GCH1: variants seen among roughly 807,000 people sequenced by gnomAD.
GCH1 encodes GTP cyclohydrolase 1.
In GCH1, 5 loss-of-function variants were observed where a neutral mutation model predicts 25.9. The observed-to-expected ratio is 0.19, with a 90% CI of 0.10 to 0.41. The LOEUF is 0.41. Ranked by LOEUF, GCH1 falls within the 10% of genes least tolerant of loss-of-function variation. The pLI, the probability that GCH1 is intolerant of heterozygous loss-of-function variation, is 1.00. For missense variants in GCH1, 261 were observed against 336.5 expected (o/e 0.78, Z 1.75); for synonymous variants, 159 against 129.6 (o/e 1.23, Z -1.54).
chr14:54,872,382 A>G (rs1355676890), intron 1 of GCH1, among the ~76,000 whole-genome samples: 1 of 152,204 alleles, frequency 6.6e-6, no homozygotes, highest in African/African-American at 2.4e-5. Context: ...GGTACCAGCC[A>G]CTGAAAAAAC....
chr14:54,875,676 C>T (rs1161637556), intron 1 of GCH1, among the ~76,000 whole-genome samples: 3 of 152,158 alleles, frequency 2.0e-5, no homozygotes, highest in African/African-American at 7.2e-5. Context: ...TATGAACAGA[C>T]ACTTCTCAAG....
chr14:54,883,156 G>A (rs1277363265), intron 1 of GCH1, among the ~76,000 whole-genome samples: 2 of 151,478 alleles, frequency 1.3e-5, no homozygotes, highest in South Asian at 4.2e-4. Flanking sequence ...GGTGGATCAC[G>A]AGGTCAGGAA....
chr14:54,901,829 C>T lies in GCH1; in HGVS notation c.343+492G>A, dbSNP rs182516336. On this transcript the variant is annotated intron_variant, in intron 1 of 5. Coordinates refer to ENST00000491895, the MANE Select transcript of GCH1 (RefSeq NM_000161.3). ...GGCAAATCAGTGGGAATGCAGGTCC[C>T]CGAGGTTTCGGGGAAGGATCGCGCC... Among the ~76,000 whole-genome samples the T allele has an allele frequency of 7.2e-3, 1,089 of 152,200 alleles. 14 individuals carry two copies. Among genetic ancestry groups the T allele is most frequent in the African/African-American group, 0.025 (1,018 of 41,526 alleles).
chr14:54,866,439 A>T (rs1394590674), intron 1 of GCH1, among the ~76,000 whole-genome samples: 1 of 152,100 alleles, frequency 6.6e-6, no homozygotes, highest in Non-Finnish European at 1.5e-5. Flanking sequence ...GTAGGATTTC[A>T]TTTTCGGAAA....
At chr14:54,894,963 A>G (rs909961256) in intron 1 of GCH1, among the ~76,000 whole-genome samples, 1 of 152,210 alleles carries the variant, frequency 6.6e-6, no homozygotes, top group Non-Finnish European at 1.5e-5. Flanking sequence ...CCTTTCACCC[A>G]TGATATAGGA....
chr14:54,867,680 G>A (rs2040008791), intron 1 of GCH1, among the ~76,000 whole-genome samples: 1 of 150,524 alleles, frequency 6.6e-6, no homozygotes, highest in African/African-American at 2.5e-5. Context: ...CAGTCTTCTC[G>A]GCTATAAAAT....
intron 1 of GCH1, among the ~76,000 whole-genome samples, chr14:54,886,920 T>A (rs2040361181): frequency 6.6e-6 from 1 of 152,234 alleles, no homozygotes; most frequent in Admixed American, 6.5e-5. Context: ...ACAGCAAATC[T>A]GATTTTTTAA....
At chr14:54,886,760 C>T (rs1478410836) in intron 1 of GCH1, among the ~76,000 whole-genome samples, 3 of 152,150 alleles carry the variant, frequency 2.0e-5, no homozygotes, top group Non-Finnish European at 4.4e-5. Flanking sequence ...CTTCTGACTC[C>T]AGACCAGAGC....
At chr14:54,859,539 C>T (rs535838218) in intron 3 of GCH1, 142 bp downstream of exon 3, 4 of 699,922 alleles carry the variant, frequency 5.7e-6, no homozygotes, top group East Asian at 5.3e-5. Context: ...GTGTTTCAGA[C>T]CCTCCAAGTC....
intron 2 of GCH1, among the ~76,000 whole-genome samples, chr14:54,862,662 G>A (rs1051979651): frequency 8.9e-5 from 12 of 135,132 alleles, no homozygotes; most frequent in African/African-American, 3.4e-4. Context: ...GCCTAGGTTG[G>A]TCTCAAACTC....
At chr14:54,844,959 G>A (rs538655053) in intron 5 of GCH1, among the ~76,000 whole-genome samples, 1 of 152,262 alleles carries the variant, frequency 6.6e-6, no homozygotes, top group African/African-American at 2.4e-5. Flanking sequence ...ATCACTTGAG[G>A]TCAGGAGTTT....
At chr14:54,873,249 G>C (rs1470442172) in intron 1 of GCH1, among the ~76,000 whole-genome samples, 1 of 152,124 alleles carries the variant, frequency 6.6e-6, no homozygotes, top group Non-Finnish European at 1.5e-5. Context: ...TGACTACTGG[G>C]TACATAACGA....
chr14:54,865,376 A>G lies in GCH1; in HGVS notation c.404T>C (p.Ile135Thr). Residue 135 changes from isoleucine (I) to threonine (T), a missense_variant, in exon 2 of 6, where the codon ATA becomes ACA. Around this residue, in one of 3 missense-constraint regions of GCH1, gnomAD observed 130 missense variants for 184.1 expected, o/e 0.71. Coordinates refer to ENST00000491895, the MANE Select transcript of GCH1 (RefSeq NM_000161.3). Reference sequence around the variant, plus strand: ...ATGCTCACACATGGAAAACATGTCTATGTCCTTCACAATCACCATCTCATC... The same window carrying G: ...ATGCTCACACATGGAAAACATGTCTGTGTCCTTCACAATCACCATCTCATC... The part of the protein sequence containing the change: ...DHDEMVIVKD[I>T]DMFSMCEHHL... 1 of 1,595,154 alleles carries G rather than the reference A, an allele frequency of 6.3e-7. No homozygotes were observed. Among genetic ancestry groups the G allele is most frequent in the Non-Finnish European group, 8.6e-7 (1 of 1,163,050 alleles).
chr14:54,897,442 C>T (rs944457508), intron 1 of GCH1, among the ~76,000 whole-genome samples: 4 of 152,058 alleles, frequency 2.6e-5, no homozygotes, highest in African/African-American at 9.7e-5. Context: ...GCATGCACCA[C>T]CACACCTGGC....
chr14:54,879,806 G>A (rs2040217919), intron 1 of GCH1, among the ~76,000 whole-genome samples: 1 of 151,980 alleles, frequency 6.6e-6, no homozygotes, highest in South Asian at 2.1e-4. Context: ...CTAACATGGT[G>A]AAACCCCATC....
chr14:54,863,556 T>C (rs8011751), intron 2 of GCH1, among the ~76,000 whole-genome samples: 3,333 of 66,356 alleles, frequency 0.05, 137 homozygotes, highest in African/African-American at 0.16. Flanking sequence ...AAGAGCAGAA[T>C]AGATAAATTG....
chr14:54,869,859 A>G (rs1475439946), intron 1 of GCH1, among the ~76,000 whole-genome samples: 2 of 152,256 alleles, frequency 1.3e-5, no homozygotes, highest in Non-Finnish European at 2.9e-5. Context: ...CTCAGCAAGA[A>G]GATGGAATGA....
rs776104047 is a variant in GCH1 at position 54,865,306 on chromosome 14, A to T, written c.453+21T>A. The T allele has an allele frequency of 4.5e-5, 52 of 1,148,172 alleles. 1 individual carries two copies. Among genetic ancestry groups the T allele is most frequent in the Non-Finnish European group, 5.8e-5 (44 of 757,146 alleles). The allele number at this position is 1,148,172 out of a possible 1,614,324, so 71.1% of individuals were successfully genotyped here. A position where few individuals can be genotyped will look rare whatever the true frequency, so the allele number is the denominator to read the frequency against. ...TTTCACTATGTTTTAAATTGCTGGG[A>T]AACAACAAAGAGAACCTTACCTTTC... On this transcript the variant is annotated intron_variant, in intron 2 of 5. Coordinates refer to ENST00000491895, the MANE Select transcript of GCH1 (RefSeq NM_000161.3).
chr14:54,848,772 A>G (rs1013184809), intron 3 of GCH1, among the ~76,000 whole-genome samples: 5 of 152,226 alleles, frequency 3.3e-5, no homozygotes, highest in African/African-American at 9.6e-5. Flanking sequence ...AGTAGTTACT[A>G]GGATATTGAA....
Sources: gnomAD v4.1 joint callset for allele counts (sites outside exome capture counted in the v4.1 genomes callset) on GRCh38, gnomAD v4.1.1 for gene constraint, gnomAD v4.1.1 regional missense constraint, MANE v1.5 for transcripts, NCBI Gene and HGNC (gene_info 2026-07-23, HGNC 2026-07-21) for gene names.